UGGT1: variants seen among roughly 807,000 people sequenced by gnomAD.
The protein encoded by UGGT1 is UDP-glucose:glycoprotein glucosyltransferase 1.
In UGGT1, 107 loss-of-function variants were observed where a neutral mutation model predicts 203.9. That is an observed-to-expected ratio of 0.52 (90% CI 0.45 to 0.62). The LOEUF (loss-of-function observed/expected upper bound fraction) is 0.62. UGGT1 is among the 20% of genes least tolerant of loss of function. The pLI, the probability that UGGT1 is intolerant of heterozygous loss-of-function variation, is 0.00. For synonymous variants in UGGT1, 628 were observed against 653.5 expected (o/e 0.96, Z 0.59); for missense variants, 1,673 against 1,867.2 (o/e 0.90, Z 1.92).
chr2:128,116,594 G>A (rs10210702), intron 8 of UGGT1, among the ~76,000 whole-genome samples: 136,932 of 152,078 alleles, frequency 0.9, 62,421 homozygotes, highest in Non-Finnish European at 0.98. Flanking sequence ...GCGTGATCTC[G>A]ACTCACTGCA....
chr2:128,157,548 C>T (rs1046725776), intron 22 of UGGT1, among the ~76,000 whole-genome samples: 13 of 152,088 alleles, frequency 8.5e-5, no homozygotes, highest in Non-Finnish European at 1.2e-4. Flanking sequence ...CTTTGTTGAA[C>T]GGGATAGATT....
intron 19 of UGGT1, among the ~76,000 whole-genome samples, chr2:128,154,687 C>T (rs138269678): frequency 9.7e-4 from 147 of 152,230 alleles, no homozygotes; most frequent in Middle Eastern, 3.4e-3. Context: ...AGTAGGTGTT[C>T]AGTGTGCATT....
chr2:128,117,764 T>A (rs541806167), intron 8 of UGGT1, among the ~76,000 whole-genome samples: 8 of 152,094 alleles, frequency 5.3e-5, no homozygotes, highest in African/African-American at 7.2e-5. Context: ...TTAGCCAGGA[T>A]GATCTTGATC....
At chr2:128,125,942 C>CT (rs34988352) in intron 11 of UGGT1, among the ~76,000 whole-genome samples, 168 of 131,862 alleles carry the variant, frequency 1.3e-3, no homozygotes, top group East Asian at 2.6e-3. Flanking sequence ...TAAATATATA[C>CT]TTTTTTTTTT....
intron 31 of UGGT1, among the ~76,000 whole-genome samples, chr2:128,176,397 A>C (rs1361349808): frequency 6.8e-6 from 1 of 147,548 alleles, no homozygotes; most frequent in Non-Finnish European, 1.5e-5. Flanking sequence ...AACAGAGCAA[A>C]ACTCTGTCTC....
intron 18 of UGGT1, among the ~76,000 whole-genome samples, chr2:128,150,109 G>A (rs920825377): frequency 6.6e-6 from 1 of 152,104 alleles, no homozygotes; most frequent in Non-Finnish European, 1.5e-5. Flanking sequence ...AAAATACCAA[G>A]TACTGGAAAA....
chr2:128,145,506 ACACACAC>A lies in UGGT1; in HGVS notation c.1852-296_1852-290del. On this transcript the variant is annotated intron_variant, in intron 17 of 40. Coordinates refer to ENST00000259253, the MANE Select transcript of UGGT1 (RefSeq NM_020120.4). ...CTGTGCTACACACACACACAAACAC[ACACACAC>A]ACACACACACATACACAAACACACG... 2 of 123,618 alleles carry A rather than the reference ACACACAC, an allele frequency of 1.6e-5. 1 individual carries two copies. The highest frequency in any genetic ancestry group is 3.3e-5 in the Non-Finnish European group (2 of 60,118). The allele number at this position is 123,618 out of a possible 1,614,324, so 7.7% of individuals were successfully genotyped here.
intron 25 of UGGT1, 37 bp from the exon 26 acceptor site, chr2:128,164,692 TA>T (rs1174765814): frequency 1.3e-6 from 2 of 1,568,190 alleles, no homozygotes; most frequent in Non-Finnish European, 1.8e-6. Flanking sequence ...AACTTTCAGT[TA>T]AAAAGATGTT....
chr2:128,142,752 G>A (rs1302298697), intron 16 of UGGT1, among the ~76,000 whole-genome samples: 1 of 151,994 alleles, frequency 6.6e-6, no homozygotes, highest in Non-Finnish European at 1.5e-5. Context: ...GGAGACTGAG[G>A]CGGGTGGATC....
In UGGT1 at chr2:128,192,672, T is replaced by G. The variant is rs1271671763; in HGVS notation, c.*2930T>G. 1 of 151,960 alleles carries G rather than the reference T, an allele frequency of 6.6e-6. No individual in the cohort carries two copies. The highest frequency in any genetic ancestry group is 1.5e-5 in the Non-Finnish European group (1 of 68,036). 9.4% of individuals were successfully genotyped at this position (151,960 alleles called of 1,614,324 possible). ...GCCTGTCACAGCCTGCTGCTGGGGG[T>G]GTGGGGATATGCCAGAGTCCTGTGT... On this transcript the variant is annotated 3_prime_UTR_variant, in exon 41 of 41. Transcript: ENST00000259253.
intron 5 of UGGT1, 85 bp from the exon 6 acceptor site, chr2:128,112,999 T>C (rs1342756164): frequency 1.6e-6 from 2 of 1,248,100 alleles, no homozygotes; most frequent in Admixed American, 5.6e-5. Flanking sequence ...TATTTGAATT[T>C]TCATAACTGT....
intron 12 of UGGT1, 76 bp from the exon 13 acceptor site, chr2:128,128,953 C>A: frequency 6.4e-6 from 9 of 1,412,506 alleles, no homozygotes; most frequent in Admixed American, 2.6e-5. Flanking sequence ...TGAACTGATA[C>A]ATTTTTTTTC....
chr2:128,149,687 C>T (rs1047921361), intron 18 of UGGT1, among the ~76,000 whole-genome samples: 7 of 151,616 alleles, frequency 4.6e-5, no homozygotes, highest in Non-Finnish European at 8.8e-5. Flanking sequence ...GCAGGAGAAT[C>T]GCTTGAACCT....
At chr2:128,091,613 G>T (rs938561410) in intron 1 of UGGT1, 198 bp downstream of exon 1, 20 of 1,433,630 alleles carry the variant, frequency 1.4e-5, no homozygotes, top group Non-Finnish European at 1.7e-5. Flanking sequence ...CTTCCGCGGG[G>T]GTGGCGGCGG....
Position 128,095,407 on chromosome 2 carries a change from CCCTTTA to C in UGGT1, c.59-2017_59-2012del, listed in dbSNP as rs1396239219. 5.3e-4 allele frequency among the ~76,000 whole-genome samples: 78 copies of C among 147,246 alleles called. 1 individual carries two copies. The highest frequency in any genetic ancestry group is 2.3e-3 in the Admixed American group (33 of 14,634). ...CCCCTTCCCCTTCTCCTTCCCCTTC[CCCTTTA>C]CCTTCCCCTTCCCCTCCTCCTTCTC... On this transcript the variant is annotated intron_variant, in intron 1 of 40. Transcript: ENST00000259253.
intron 13 of UGGT1, among the ~76,000 whole-genome samples, chr2:128,132,515 T>G (rs1406709611): frequency 1.3e-5 from 2 of 152,214 alleles, no homozygotes; most frequent in African/African-American, 4.8e-5. Context: ...TCCACTGCAC[T>G]TCAGCCTCGT....
At chr2:128,188,695 A>T (rs538930624) in intron 40 of UGGT1, among the ~76,000 whole-genome samples, 2 of 152,332 alleles carry the variant, frequency 1.3e-5, no homozygotes, top group African/African-American at 4.8e-5. Flanking sequence ...CTATAATCCT[A>T]GCCTCTCAGG....
chr2:128,093,220 G>T (rs770572695), intron 1 of UGGT1, among the ~76,000 whole-genome samples: 1 of 151,192 alleles, frequency 6.6e-6, no homozygotes, highest in Non-Finnish European at 1.5e-5. Flanking sequence ...TGAAAACAGT[G>T]TAGGGGGATC....
At position 128,172,729 on chromosome 2, in the gene UGGT1, A is replaced by G; in HGVS notation, c.3261A>G (p.Thr1087=). Residue 1087 remains threonine, a synonymous_variant, in exon 29 of 41, where the codon ACA becomes ACG. Transcript: ENST00000259253. The part of the protein sequence containing the change: ...PESWMVESVR[T]PYDLDNIYLE... ...GCTGGATGGTAGAATCTGTCAGAACACCATATGATCTTGATAATATTTATT... is the reference window on the plus strand; with the variant it reads ...GCTGGATGGTAGAATCTGTCAGAACGCCATATGATCTTGATAATATTTATT... The G allele has an allele frequency of 6.2e-7, 1 of 1,614,130 alleles. No individual in the cohort carries two copies. Among genetic ancestry groups the G allele is most frequent in the Non-Finnish European group, 8.5e-7 (1 of 1,180,016 alleles).
Sources: gnomAD v4.1 joint callset for allele counts (sites outside exome capture counted in the v4.1 genomes callset) on GRCh38, gnomAD v4.1.1 for gene constraint, MANE v1.5 for transcripts, NCBI Gene and HGNC (gene_info 2026-07-23, HGNC 2026-07-21) for gene names.